The following ROCK2 variants were observed in gnomAD, a reference collection of about 807,000 sequenced individuals.
ROCK2 encodes Rho associated coiled-coil containing protein kinase 2, also known as rho-associated protein kinase 2.
A neutral mutation model predicts 195.1 loss-of-function variants in ROCK2; 61 were observed. The ratio of observed to expected loss-of-function variants is 0.31; its 90% confidence interval spans 0.25 to 0.39. The LOEUF (loss-of-function observed/expected upper bound fraction) is 0.39, where lower values mean the gene tolerates loss of function less well. Ranked by LOEUF, ROCK2 falls within the 10% of genes least tolerant of loss-of-function variation. The pLI is 1.00. For missense variants in ROCK2, 1,109 were observed against 1,637.4 expected (o/e 0.68, Z 5.57); for synonymous variants, 504 against 545.5 (o/e 0.92, Z 1.06).
Position 11,219,493 on chromosome 2 carries a change from G to A in ROCK2, c.1260-467C>T, listed in dbSNP as rs564373942. 3.9e-5 allele frequency among the ~76,000 whole-genome samples: 6 copies of A among 152,082 alleles called. No homozygotes were observed. The South Asian group carries it at 1.0e-3, about 26-fold the overall frequency. On this transcript the variant is annotated intron_variant, in intron 9 of 32. Coordinates refer to ENST00000315872, the MANE Select transcript of ROCK2 (RefSeq NM_004850.5). ...ACCACTGCACTCTAGCCTGGGCGACGAAGTGAGACTCCATCTCAATCCATC... is the reference window on the plus strand; with the variant it reads ...ACCACTGCACTCTAGCCTGGGCGACAAAGTGAGACTCCATCTCAATCCATC...
rs926382868 is a variant in ROCK2, at chr2:11,254,517, G to A, written c.325-4719C>T. Among the ~76,000 whole-genome samples, 13 of 152,114 alleles carry A rather than the reference G, an allele frequency of 8.5e-5. No homozygotes were observed. The East Asian group carries it at 1.4e-3, about 16-fold the overall frequency. On this transcript the variant is annotated intron_variant, in intron 3 of 32. Coordinates refer to ENST00000315872, the MANE Select transcript of ROCK2 (RefSeq NM_004850.5). ...GAGAGAAAGCAGTCCAGGTTTATTA[G>A]AGACCAACTGCTTTGGGGTTATGGT...
intron 1 of ROCK2, among the ~76,000 whole-genome samples, chr2:11,311,197 G>T (rs1478943822): frequency 1.3e-5 from 2 of 152,082 alleles, no homozygotes; most frequent in Admixed American, 1.3e-4. Flanking sequence ...AGACTAATTT[G>T]ATAGAGCCAA....
intron 8 of ROCK2, 41 bp downstream of exon 8, chr2:11,222,042 A>C (rs770947361): frequency 3.3e-6 from 4 of 1,204,824 alleles, no homozygotes; most frequent in Admixed American, 3.4e-5. Context: ...TATGAGTTTC[A>C]GAATGTGATG....
intron 32 of ROCK2, among the ~76,000 whole-genome samples, chr2:11,188,862 G>A (rs1663306503): frequency 6.6e-6 from 1 of 151,966 alleles, no homozygotes; most frequent in Admixed American, 6.6e-5. Context: ...CTGACCACGT[G>A]ATCCACCTGC....
rs1305618725 is a variant in ROCK2 at position 11,258,608 on chromosome 2, A to G, written c.325-8810T>C. Among the ~76,000 whole-genome samples, 4 of 151,234 alleles carry G rather than the reference A, an allele frequency of 2.6e-5. No individual in the cohort carries two copies. In the East Asian group the frequency reaches 5.8e-4, roughly 22 times the overall value. The stretch of plus-strand genomic sequence containing the variant: ...GTTCAGTTATGAGACAGCCAAGGGG[A>G]AGAAAACAAGACCTCCCAATCCTGG... On this transcript the variant is annotated intron_variant, in intron 3 of 32. Transcript: ENST00000315872.
chr2:11,232,039 A>G (rs1665030769), intron 5 of ROCK2, among the ~76,000 whole-genome samples: 1 of 152,152 alleles, frequency 6.6e-6, no homozygotes, highest in African/African-American at 2.4e-5. Context: ...CAAACTTTTA[A>G]AAATGTAAAA....
At chr2:11,275,218 T>C (rs1485257263) in intron 3 of ROCK2, among the ~76,000 whole-genome samples, 2 of 151,094 alleles carry the variant, frequency 1.3e-5, no homozygotes, top group Non-Finnish European at 2.9e-5. Flanking sequence ...AATCGTGCCA[T>C]TGCACTCCAG....
intron 8 of ROCK2, among the ~76,000 whole-genome samples, chr2:11,221,823 A>T (rs1428268561): frequency 6.6e-6 from 1 of 152,214 alleles, no homozygotes; most frequent in East Asian, 1.9e-4. Flanking sequence ...AATTATTGAG[A>T]TCTACAAAGC....
intron 3 of ROCK2, among the ~76,000 whole-genome samples, chr2:11,285,520 A>G (rs973320541): frequency 5.9e-5 from 9 of 152,090 alleles, no homozygotes; most frequent in Non-Finnish European, 1.2e-4. Context: ...ACCCTGATCT[A>G]CAAGTCCAAT....
At chr2:11,315,053 A>G (rs1182044199) in intron 1 of ROCK2, among the ~76,000 whole-genome samples, 1 of 152,072 alleles carries the variant, frequency 6.6e-6, no homozygotes, top group Non-Finnish European at 1.5e-5. Flanking sequence ...AAATATCACT[A>G]AAATAACTTT....
intron 1 of ROCK2, among the ~76,000 whole-genome samples, chr2:11,315,278 T>C (rs1337649135): frequency 1.3e-5 from 2 of 152,060 alleles, no homozygotes; most frequent in Non-Finnish European, 2.9e-5. Context: ...CAACAAGGAA[T>C]GGTTAAGCAA....
chr2:11,180,284 G>A lies in ROCK2; in HGVS notation c.*3153C>T, dbSNP rs1662931150. 1 of 152,146 alleles carries A rather than the reference G, an allele frequency of 6.6e-6. No individual in the cohort carries two copies. Among genetic ancestry groups the A allele is most frequent in the Admixed American group, 6.5e-5 (1 of 15,276 alleles). The allele number at this position is 152,146 out of a possible 1,614,324, so 9.4% of individuals were successfully genotyped here. On this transcript the variant is annotated 3_prime_UTR_variant, in exon 33 of 33. Coordinates refer to ENST00000315872, the MANE Select transcript of ROCK2 (RefSeq NM_004850.5). ...CAGCAGCATAACTTCTTAAAACTGTGGTGTGGCAACCTAGAGTATTTCTGT... is the reference window on the plus strand; with the variant it reads ...CAGCAGCATAACTTCTTAAAACTGTAGTGTGGCAACCTAGAGTATTTCTGT...
At chr2:11,194,763 TATTA>T (rs1176809413) in intron 28 of ROCK2, among the ~76,000 whole-genome samples, 188 bp downstream of exon 28, 2 of 146,554 alleles carry the variant, frequency 1.4e-5, no homozygotes, top group African/African-American at 4.9e-5. Context: ...TCTGTCTTAT[TATTA>T]ACAAGGTATG....
rs777440444 is a variant in ROCK2, at chr2:11,201,456, A to G, written c.2620-43T>C. 35 of 1,030,082 alleles carry G rather than the reference A, an allele frequency of 3.4e-5. No homozygotes were observed. The highest frequency in any genetic ancestry group is 4.9e-5 in the Non-Finnish European group (32 of 657,820). The allele number at this position is 1,030,082 out of a possible 1,614,324, so 63.8% of individuals were successfully genotyped here. ...ACAGAAATGCGTATCATCATCAGAAATATTACTTCTACATTCAAAAGCTAT... is the reference window on the plus strand; with the variant it reads ...ACAGAAATGCGTATCATCATCAGAAGTATTACTTCTACATTCAAAAGCTAT... On this transcript the variant is annotated intron_variant, in intron 21 of 32. Transcript: ENST00000315872. This position sits in a 1 kb window ranked among gnomAD's most constrained non-coding sequence, Gnocchi z 4.6.
chr2:11,269,045 C>T (rs1434589739), intron 3 of ROCK2, among the ~76,000 whole-genome samples: 1 of 152,128 alleles, frequency 6.6e-6, no homozygotes, highest in Non-Finnish European at 1.5e-5. Flanking sequence ...CCTTTGACTC[C>T]TTTTAGTGTT....
At chr2:11,224,207 G>T in intron 7 of ROCK2, 115 bp downstream of exon 7, 1 of 976,694 alleles carries the variant, frequency 1.0e-6, no homozygotes, top group Non-Finnish European at 1.5e-6. Flanking sequence ...AGAATTAGAT[G>T]CTACTTGGGT....
chr2:11,183,274 T>C lies in ROCK2; in HGVS notation c.*163A>G. On this transcript the variant is annotated 3_prime_UTR_variant, in exon 33 of 33. Coordinates refer to ENST00000315872, the MANE Select transcript of ROCK2 (RefSeq NM_004850.5). The stretch of plus-strand genomic sequence containing the variant: ...GCTTCAAAGGAGCCCAGATTTGTAA[T>C]TTATATTACAGGGAAAAGGGGAACA... 1.9e-6 allele frequency: 1 copy of C among 526,830 alleles called. No individual in the cohort carries two copies. Among genetic ancestry groups the C allele is most frequent in the Non-Finnish European group, 3.4e-6 (1 of 297,372 alleles). 32.6% of individuals were successfully genotyped at this position (526,830 alleles called of 1,614,324 possible).
intron 1 of ROCK2, among the ~76,000 whole-genome samples, chr2:11,303,249 C>G (rs181511719): frequency 3.3e-5 from 5 of 152,174 alleles, no homozygotes; most frequent in African/African-American, 1.2e-4. Context: ...GAAGATGTCA[C>G]TTTGTCCTTA....
intron 1 of ROCK2, among the ~76,000 whole-genome samples, chr2:11,338,625 G>A (rs1441493419): frequency 1.3e-5 from 2 of 152,050 alleles, no homozygotes; most frequent in East Asian, 3.9e-4. Context: ...CAAGTATCCT[G>A]GAACCAATCC....
Sources: gnomAD v4.1 joint callset for allele counts (sites outside exome capture counted in the v4.1 genomes callset) on GRCh38, gnomAD v4.1.1 for gene constraint, Gnocchi (gnomAD v3.1) non-coding constraint, MANE v1.5 for transcripts, NCBI Gene and HGNC (gene_info 2026-07-23, HGNC 2026-07-21) for gene names.